CLIC6: variants seen among roughly 807,000 people sequenced by gnomAD.
The protein encoded by CLIC6 is chloride intracellular channel protein 6.
A neutral mutation model predicts 49.2 loss-of-function variants in CLIC6; 39 were observed. The observed-to-expected ratio is 0.79, with a 90% CI of 0.61 to 1.04. CLIC6 has a LOEUF of 1.04. CLIC6 is among the 50% of genes least tolerant of loss of function. CLIC6 has a pLI of 0.00. For synonymous variants in CLIC6, 446 were observed against 433.4 expected (o/e 1.03, Z -0.36); for missense variants, 988 against 993.1 (o/e 0.99, Z 0.07).
intron 1 of CLIC6, among the ~76,000 whole-genome samples, chr21:34,680,238 G>T (rs1406109153): frequency 6.6e-6 from 1 of 152,242 alleles, no homozygotes; most frequent in Non-Finnish European, 1.5e-5. Context: ...AAGGCTTGGG[G>T]CTTGCACCCT....
rs532597972 is a variant in CLIC6 at position 34,689,239 on chromosome 21, C to G, written c.1375-18041C>G. 2.6e-5 allele frequency among the ~76,000 whole-genome samples: 4 copies of G among 152,294 alleles called. No individual in the cohort carries two copies. The East Asian group carries it at 7.7e-4, about 29-fold the overall frequency. ...ATGGATTTCTGGGCAATGCACCTCC[C>G]CTTTGGTTTTCCACACCTCCAGCAG... On this transcript the variant is annotated intron_variant, in intron 1 of 5. Transcript: ENST00000349499.
Position 34,708,005 on chromosome 21 carries a change from G to A in CLIC6, c.1546G>A (p.Gly516Ser). 6.2e-7 allele frequency: 1 copy of A among 1,614,014 alleles called. No homozygotes were observed. Among genetic ancestry groups the A allele is most frequent in the Non-Finnish European group, 8.5e-7 (1 of 1,179,938 alleles). ...AAACCCTCCTTTCATGACTTTTGATGGTGAAGTCAAGACGGATGTGAATAA... is the reference window on the plus strand; with the variant it reads ...AAACCCTCCTTTCATGACTTTTGATAGTGAAGTCAAGACGGATGTGAATAA... ...GTNPPFMTFDGEVKTDVNKIE... is the reference protein window; with the variant it reads ...GTNPPFMTFDSEVKTDVNKIE... The change falls in exon 3 of 6, where the codon GGT becomes AGT. Residue 516 changes from glycine to serine, a missense_variant. By Grantham distance (56) the Gly-to-Ser change is moderately conservative. Coordinates refer to ENST00000349499, the MANE Select transcript of CLIC6 (RefSeq NM_053277.3).
At chr21:34,671,121 T>TAAAAA (rs58413747) in intron 1 of CLIC6, among the ~76,000 whole-genome samples, 6 of 115,926 alleles carry the variant, frequency 5.2e-5, no homozygotes, top group Non-Finnish European at 8.7e-5. Flanking sequence ...ACTAAAAAGT[T>TAAAAA]AAAAAAAAAA....
chr21:34,704,357 A>T (rs148093265), intron 1 of CLIC6, among the ~76,000 whole-genome samples: 1 of 152,296 alleles, frequency 6.6e-6, no homozygotes, highest in African/African-American at 2.4e-5. Context: ...CACTCCCACC[A>T]TGTTCCCGTA....
intron 1 of CLIC6, among the ~76,000 whole-genome samples, chr21:34,684,173 A>C (rs921446212): frequency 6.6e-6 from 1 of 152,136 alleles, no homozygotes; most frequent in African/African-American, 2.4e-5. Context: ...TTACCTGCCA[A>C]GTAGCAGACA....
At chr21:34,705,434 T>C (rs2056007706) in intron 1 of CLIC6, among the ~76,000 whole-genome samples, 1 of 152,130 alleles carries the variant, frequency 6.6e-6, no homozygotes, top group Admixed American at 6.6e-5. Flanking sequence ...GGGGATGCTT[T>C]TCAGGGCCCA....
At position 34,708,716 on chromosome 21, in the gene CLIC6, AC is replaced by A. The variant is rs1568970572; in HGVS notation, c.1630del (p.Gln544AsnfsTer20). ...CTTTTCAAGGTATCCCAAGCTGGGG[AC>A]CCAACATCCCGAATCTAATTCCGCA... ...LAPPRYPKLG[T>X]QHPESNSAGN... On this transcript the variant is annotated frameshift_variant, in exon 4 of 6. Coordinates refer to ENST00000349499, the MANE Select transcript of CLIC6 (RefSeq NM_053277.3). LOFTEE classifies it high-confidence loss of function. 6.2e-7 allele frequency: 1 copy of A among 1,614,002 alleles called. No individual in the cohort carries two copies. Among genetic ancestry groups the A allele is most frequent in the African/African-American group, 1.3e-5 (1 of 75,044 alleles).
chr21:34,711,264 G>T (rs1413695808), intron 5 of CLIC6, among the ~76,000 whole-genome samples: 1 of 152,204 alleles, frequency 6.6e-6, no homozygotes, highest in Non-Finnish European at 1.5e-5. Context: ...AGGCGCAGTG[G>T]CTCATGCCTG....
intron 5 of CLIC6, among the ~76,000 whole-genome samples, chr21:34,714,497 G>A (rs1385546763): frequency 6.6e-6 from 1 of 152,036 alleles, no homozygotes; most frequent in Non-Finnish European, 1.5e-5. Context: ...AGATCAGCCT[G>A]GGCAAAATGG....
intron 1 of CLIC6, among the ~76,000 whole-genome samples, chr21:34,676,565 A>G (rs1240266535): frequency 6.6e-6 from 1 of 152,222 alleles, no homozygotes; most frequent in African/African-American, 2.4e-5. Flanking sequence ...AGCCCTTTGC[A>G]TGCTGTTTGA....
At chr21:34,674,233 A>G (rs113486028) in intron 1 of CLIC6, among the ~76,000 whole-genome samples, 4,747 of 152,162 alleles carry the variant, frequency 0.031, 251 homozygotes, top group African/African-American at 0.11. Flanking sequence ...CCACAGGCAC[A>G]CACCATTACA....
intron 5 of CLIC6, among the ~76,000 whole-genome samples, chr21:34,714,079 C>A (rs551345816): frequency 6.6e-6 from 1 of 152,160 alleles, no homozygotes; most frequent in African/African-American, 2.4e-5. Flanking sequence ...TGACCTAGAC[C>A]TCTGGTCTCT....
At position 34,709,486 on chromosome 21, in the gene CLIC6, A is replaced by G; in HGVS notation, c.1847A>G (p.Asp616Gly). The change falls in exon 5 of 6, where the codon GAC becomes GGC. Residue 616 changes from aspartate (D) to glycine (G), a missense_variant. Physicochemically the swap from Asp to Gly is moderately conservative, Grantham distance 94 (BLOSUM62 -1). Transcript: ENST00000349499. ...TVSGRKFLDG[D>G]ELTLADCNLL... ...TCTGGAAGGAAGTTTCTGGATGGGG[A>G]CGAGCTGACGCTGGCTGACTGCAAC... 6.2e-7 allele frequency: 1 copy of G among 1,614,024 alleles called. No individual in the cohort carries two copies. The highest frequency in any genetic ancestry group is 8.5e-7 in the Non-Finnish European group (1 of 1,179,866).
Position 34,670,000 on chromosome 21 carries a change from C to T in CLIC6, c.612C>T (p.Gly204=). The change falls in exon 1 of 6, where the codon GGC becomes GGT. Residue 204 remains glycine (G), a synonymous_variant. Transcript: ENST00000349499. ...GPAGDSVDAE[G]PLGDNIQAEG... is the part of the protein sequence containing the mutation. ...CGGGGGACAGCGTAGACGCGGAGGG[C>T]CCGCTGGGGGACAACATACAAGCCG... The T allele has an allele frequency of 1.5e-6, 2 of 1,377,398 alleles. No individual in the cohort carries two copies. Among genetic ancestry groups the T allele is most frequent in the South Asian group, 1.7e-5 (1 of 59,196 alleles). The allele number at this position is 1,377,398 out of a possible 1,614,324, so 85.3% of individuals were successfully genotyped here. A position where few individuals can be genotyped will look rare whatever the true frequency, so the allele number is the denominator to read the frequency against.
At position 34,707,381 on chromosome 21, in the gene CLIC6, C is replaced by T. The variant is rs763976338; in HGVS notation, c.1476C>T (p.Asp492=). The stretch of plus-strand genomic sequence containing the variant: ...TTATATTTAATGTGACCACAGTGGA[C>T]CTGAAAAGGTAAGACAAGGCGTCTG... ...KGVIFNVTTV[D]LKRKPADLQN... Residue 492 remains aspartate (D), a synonymous_variant, in exon 2 of 6, where the codon GAC becomes GAT. Transcript: ENST00000349499. The T allele has an allele frequency of 2.5e-6, 4 of 1,606,002 alleles. No homozygotes were observed. The highest frequency in any genetic ancestry group is 1.3e-5 in the African/African-American group (1 of 74,340).
At chr21:34,705,025 A>G (rs1015544255) in intron 1 of CLIC6, among the ~76,000 whole-genome samples, 7 of 152,174 alleles carry the variant, frequency 4.6e-5, no homozygotes, top group African/African-American at 1.2e-4. Flanking sequence ...ACAGTGAGTT[A>G]TAAGAGGGTT....
At position 34,709,457 on chromosome 21, in the gene CLIC6, T is replaced by TGTTTCTGGAAGGAA. The variant is rs764520669; in HGVS notation, c.1828_1841dup (p.Asp614GlufsTer10). The TGTTTCTGGAAGGAA allele has an allele frequency of 6.2e-7, 1 of 1,614,050 alleles. No homozygotes were observed. The highest frequency in any genetic ancestry group is 8.5e-7 in the Non-Finnish European group (1 of 1,179,884). ...ATGCCTACAGCACCGAGGATGTCACTGTTTCTGGAAGGAAGTTTCTGGATG... is the reference window on the plus strand; with the variant it reads ...ATGCCTACAGCACCGAGGATGTCACTGTTTCTGGAAGGAAGTTTCTGGAAGGAAGTTTCTGGATG... On this transcript the variant is annotated frameshift_variant, in exon 5 of 6. Coordinates refer to ENST00000349499, the MANE Select transcript of CLIC6 (RefSeq NM_053277.3). LOFTEE classifies it high-confidence loss of function.
chr21:34,699,677 G>A (rs1990152113), intron 1 of CLIC6, among the ~76,000 whole-genome samples: 1 of 152,138 alleles, frequency 6.6e-6, no homozygotes, highest in South Asian at 2.1e-4. Flanking sequence ...TCTTGTTATT[G>A]AAGCAGCATC....
chr21:34,702,295 G>A (rs546684524), intron 1 of CLIC6, among the ~76,000 whole-genome samples: 5 of 152,238 alleles, frequency 3.3e-5, no homozygotes, highest in East Asian at 3.9e-4. Context: ...TCCCAGGACC[G>A]TCTGCAGGGG....
Sources: allele counts gnomAD v4.1 joint callset (sites outside exome capture counted in the v4.1 genomes callset), GRCh38; gene constraint gnomAD v4.1.1; transcripts MANE v1.5; gene names NCBI Gene and HGNC (gene_info 2026-07-23, HGNC 2026-07-21).